Variants in PAQR5 observed in about 807,000 individuals in gnomAD.
PAQR5 encodes the protein membrane progestin receptor gamma.
In PAQR5, 20 loss-of-function variants were observed where a neutral mutation model predicts 34.5. The observed-to-expected ratio is 0.58, with a 90% CI of 0.41 to 0.84. PAQR5 has a LOEUF of 0.84. PAQR5 is among the 40% of genes least tolerant of loss of function. The pLI is 0.00. For missense variants in PAQR5, 378 were observed against 412.7 expected (o/e 0.92, Z 0.73); for synonymous variants, 131 against 155.6 (o/e 0.84, Z 1.18).
chr15:69,384,655 G>A (rs1294731027), intron 4 of PAQR5, 22 bp from the exon 5 acceptor site: 1 of 1,579,168 alleles, frequency 6.3e-7, no homozygotes, highest in Non-Finnish European at 8.7e-7. Context: ...GGTGGAGGGT[G>A]AGTGAGCCCT....
At chr15:69,301,994 G>T (rs1191166338) in intron 1 of PAQR5, among the ~76,000 whole-genome samples, 1 of 150,260 alleles carries the variant, frequency 6.7e-6, no homozygotes, top group African/African-American at 2.5e-5. Flanking sequence ...TGGTAGGTTT[G>T]TGCATGGGCT....
At chr15:69,356,175 G>T (rs1024887835) in intron 2 of PAQR5, among the ~76,000 whole-genome samples, 5 of 152,218 alleles carry the variant, frequency 3.3e-5, no homozygotes, top group Non-Finnish European at 5.9e-5. Flanking sequence ...AGGCAGGTCT[G>T]TGGAGACCCA....
At chr15:69,386,248 ACACACACACAT>A (rs2056105511) in intron 5 of PAQR5, among the ~76,000 whole-genome samples, 8 of 150,424 alleles carry the variant, frequency 5.3e-5, no homozygotes, top group African/African-American at 1.7e-4. Context: ...CACACACACC[ACACACACACAT>A]CACACACACC....
At chr15:69,341,353 CTT>C (rs370642387) in intron 2 of PAQR5, among the ~76,000 whole-genome samples, 1 of 117,714 alleles carries the variant, frequency 8.5e-6, no homozygotes, top group Admixed American at 9.8e-5. Flanking sequence ...AATTCTATTC[CTT>C]TTTTTTTTTT....
intron 1 of PAQR5, among the ~76,000 whole-genome samples, chr15:69,312,908 T>G (rs961853287): frequency 2.6e-5 from 4 of 152,150 alleles, no homozygotes; most frequent in African/African-American, 7.2e-5. Flanking sequence ...TCCTATGTGC[T>G]ATAAATCAGT....
chr15:69,371,439 G>A (rs1029457832), intron 3 of PAQR5, among the ~76,000 whole-genome samples: 5 of 151,998 alleles, frequency 3.3e-5, no homozygotes, highest in African/African-American at 9.7e-5. Context: ...ATCTCATCGT[G>A]CTATCTTTAC....
chr15:69,357,409 G>T (rs58093703), intron 2 of PAQR5, among the ~76,000 whole-genome samples: 11,463 of 152,060 alleles, frequency 0.075, 618 homozygotes, highest in East Asian at 0.16. Context: ...GACTACAGTT[G>T]TGCACCACCA....
chr15:69,299,227 G>A (rs1595813840), intron 1 of PAQR5, among the ~76,000 whole-genome samples, 171 bp downstream of exon 1: 1 of 152,184 alleles, frequency 6.6e-6, no homozygotes. Context: ...CCCTGATCCG[G>A]CGGCGGCGCG....
chr15:69,392,310 T>C (rs2140967552), intron 6 of PAQR5, among the ~76,000 whole-genome samples: 1 of 152,266 alleles, frequency 6.6e-6, no homozygotes, highest in African/African-American at 2.4e-5. Context: ...GAGTCTTCCC[T>C]GATGGTTCAG....
At chr15:69,314,885 C>T (rs1158063857) in intron 1 of PAQR5, 6 of 153,832 alleles carry the variant, frequency 3.9e-5, no homozygotes, top group East Asian at 1.9e-4. Flanking sequence ...GGGGGTTAGA[C>T]GACTCCTGCT....
At chr15:69,314,341 T>C (rs1427768059) in intron 1 of PAQR5, 3 of 152,324 alleles carry the variant, frequency 2.0e-5, no homozygotes, top group South Asian at 4.1e-4. Flanking sequence ...TTTGGTTTAA[T>C]CTTACCTTTG....
chr15:69,308,725 G>T (rs1478531277), intron 1 of PAQR5, among the ~76,000 whole-genome samples: 1 of 152,122 alleles, frequency 6.6e-6, no homozygotes, highest in Non-Finnish European at 1.5e-5. Context: ...GATACAGCAG[G>T]GGTGGAGAGT....
intron 6 of PAQR5, chr15:69,397,216 G>C (rs2056465177): frequency 1.6e-6 from 1 of 636,422 alleles, no homozygotes; most frequent in Non-Finnish European, 2.9e-6. Context: ...TTCTGGCTTA[G>C]TCTGGACACC....
chr15:69,364,524 A>ATATATATACATTATATATGT (rs1567022252), intron 3 of PAQR5, among the ~76,000 whole-genome samples: 1 of 137,876 alleles, frequency 7.3e-6, no homozygotes, highest in Admixed American at 7.5e-5. Flanking sequence ...TATATATGTA[A>ATATATATACATTATATATGT]TATATATACA....
Position 69,405,299 on chromosome 15 carries a change from T to C in PAQR5, c.*1477T>C. 3.6e-6 allele frequency: 1 copy of C among 280,600 alleles called. No individual in the cohort carries two copies. Among genetic ancestry groups the C allele is most frequent in the Non-Finnish European group, 6.6e-6 (1 of 152,336 alleles). The allele number at this position is 280,600 out of a possible 1,614,324, so 17.4% of individuals were successfully genotyped here. Reference sequence around the variant, plus strand: ...AGGAATACTCCATATTTTAGACTACTGCCTCTACCATTAACTAGCCCAGAC... The same window carrying C: ...AGGAATACTCCATATTTTAGACTACCGCCTCTACCATTAACTAGCCCAGAC... On this transcript the variant is annotated 3_prime_UTR_variant, in exon 9 of 9. Coordinates refer to ENST00000395407, the MANE Select transcript of PAQR5 (RefSeq NM_017705.4).
At chr15:69,305,317 C>T (rs534650709) in intron 1 of PAQR5, among the ~76,000 whole-genome samples, 4 of 152,302 alleles carry the variant, frequency 2.6e-5, no homozygotes, top group South Asian at 2.1e-4. Flanking sequence ...ACCCTCCCAA[C>T]GGTCATCCTC....
In PAQR5 at chr15:69,374,632, G is replaced by A. The variant is rs369379212; in HGVS notation, c.52-5251G>A. Among the ~76,000 whole-genome samples the A allele has an allele frequency of 8.6e-4, 131 of 152,164 alleles. 1 individual carries two copies. Among genetic ancestry groups the A allele is most frequent in the African/African-American group, 2.9e-3 (122 of 41,526 alleles). On this transcript the variant is annotated intron_variant, in intron 3 of 8. Coordinates refer to ENST00000395407, the MANE Select transcript of PAQR5 (RefSeq NM_017705.4). ...GCAGAGCTTGCAGGGAGCCGAGATC[G>A]CGCCACTGCACTCCAGCCTGGGCAA...
chr15:69,324,963 A>G (rs751097978), intron 1 of PAQR5, among the ~76,000 whole-genome samples: 1 of 150,652 alleles, frequency 6.6e-6, no homozygotes, highest in Non-Finnish European at 1.5e-5. Context: ...CAGTGGGGCA[A>G]TCTCAGCACA....
At chr15:69,368,980 TA>T (rs1343290214) in intron 3 of PAQR5, among the ~76,000 whole-genome samples, 1 of 152,106 alleles carries the variant, frequency 6.6e-6, no homozygotes, top group Admixed American at 6.6e-5. Flanking sequence ...CTGTGTGGCC[TA>T]AGCTGGTCTT....
Sources: allele counts gnomAD v4.1 joint callset (sites outside exome capture counted in the v4.1 genomes callset), GRCh38; gene constraint gnomAD v4.1.1; transcripts MANE v1.5; gene names NCBI Gene and HGNC (gene_info 2026-07-23, HGNC 2026-07-21).